CAST: variants seen among roughly 807,000 people sequenced by gnomAD.
The protein encoded by CAST is calpastatin.
In CAST, 76 loss-of-function variants were observed where a neutral mutation model predicts 119.6. That is an observed-to-expected ratio of 0.64 (90% CI 0.53 to 0.77). The LOEUF is 0.77. Ranked by LOEUF, CAST falls within the 30% of genes least tolerant of loss-of-function variation. The probability of loss-of-function intolerance (pLI) is 0.00; values close to 1 mark genes in which losing one functional copy is unlikely to be tolerated. For missense variants in CAST, 953 were observed against 946.5 expected, an observed-to-expected ratio of 1.01 and a Z score of -0.09; for synonymous variants, 319 against 331.6, an observed-to-expected ratio of 0.96 and a Z score of 0.41.
the CAST span, among the ~76,000 whole-genome samples, chr5:96,169,956 A>G: frequency 1.3e-5 from 2 of 152,322 alleles, no homozygotes; most frequent in South Asian, 2.1e-4. Flanking sequence ...TAAGAGGTTT[A>G]GAAGCCTGGC....
chr5:96,400,785 C>G, the CAST span, among the ~76,000 whole-genome samples: 2 of 152,180 alleles, frequency 1.3e-5, no homozygotes, highest in Non-Finnish European at 2.9e-5. Flanking sequence ...TGGTTCTTGT[C>G]TTTTAGAAGT....
the CAST span, among the ~76,000 whole-genome samples, chr5:96,139,507 CAT>C: frequency 6.9e-6 from 1 of 145,692 alleles, no homozygotes; most frequent in Non-Finnish European, 1.5e-5. Flanking sequence ...TATATATACA[CAT>C]ATATATATGT....
In CAST at chr5:96,747,365, A is replaced by C. The variant is rs779611618; in HGVS notation, c.1305A>C (p.Leu435=). ...KPATDKDGKP[L]LPEPEEKPKP... ...TACAGGATAAAGATGGAAAACCACT[A>C]TTGCCAGAGCCTGAAGAAAAACCCA... Residue 435 remains leucine (L), a synonymous_variant, in exon 18 of 32, where the codon CTA becomes CTC. Transcript: ENST00000675179. The C allele has an allele frequency of 2.5e-6, 4 of 1,598,456 alleles. No homozygotes were observed. The highest frequency in any genetic ancestry group is 3.4e-6 in the Non-Finnish European group (4 of 1,166,710).
the CAST span, among the ~76,000 whole-genome samples, chr5:96,349,315 T>C: frequency 6.6e-6 from 1 of 151,882 alleles, no homozygotes; most frequent in Admixed American, 6.6e-5. Context: ...GTTTGGGCAT[T>C]AAGAGTTCAC....
chr5:96,286,939 T>G, the CAST span, among the ~76,000 whole-genome samples: 1 of 151,830 alleles, frequency 6.6e-6, no homozygotes, highest in Non-Finnish European at 1.5e-5. Flanking sequence ...GCTGAAACAT[T>G]ATCCATTTTG....
At chr5:96,053,211 G>A in the CAST span, among the ~76,000 whole-genome samples, 3 of 152,118 alleles carry the variant, frequency 2.0e-5, no homozygotes, top group Admixed American at 1.3e-4. Context: ...ACTAATGCCC[G>A]TGTCCTACTC....
At chr5:96,331,075 T>C in the CAST span, among the ~76,000 whole-genome samples, 2 of 152,132 alleles carry the variant, frequency 1.3e-5, no homozygotes, top group Non-Finnish European at 2.9e-5. Context: ...ATAAAAATTA[T>C]GGATTCCATT....
At chr5:96,418,606 G>A in the CAST span, among the ~76,000 whole-genome samples, 1 of 152,184 alleles carries the variant, frequency 6.6e-6, no homozygotes, top group African/African-American at 2.4e-5. Context: ...AATACTGATA[G>A]TTTGAAGAGA....
the CAST span, among the ~76,000 whole-genome samples, chr5:96,181,189 C>T: frequency 1.3e-5 from 2 of 152,160 alleles, no homozygotes; most frequent in Admixed American, 1.3e-4. Context: ...GATAGAATGA[C>T]TTCAGCTCTT....
the CAST span, among the ~76,000 whole-genome samples, chr5:96,240,143 CA>C: frequency 1.3e-5 from 2 of 151,972 alleles, no homozygotes; most frequent in Non-Finnish European, 1.5e-5. Context: ...TTCATAATTC[CA>C]TATCAATATT....
At chr5:96,500,252 A>G in the CAST span, among the ~76,000 whole-genome samples, 3 of 152,256 alleles carry the variant, frequency 2.0e-5, no homozygotes, top group African/African-American at 7.2e-5. Flanking sequence ...GACTTGTTCA[A>G]TGCAGGGTTG....
the CAST span, among the ~76,000 whole-genome samples, chr5:96,362,776 C>T: frequency 2.6e-5 from 4 of 152,100 alleles, no homozygotes; most frequent in Non-Finnish European, 4.4e-5. Flanking sequence ...GTCTCCCATT[C>T]TGTAGGTTGC....
the CAST span, chr5:96,395,157 C>T: frequency 1.3e-6 from 1 of 764,082 alleles, no homozygotes; most frequent in Non-Finnish European, 2.2e-6. Flanking sequence ...TGAAAGAAAC[C>T]ATTGGATCCA....
At chr5:96,262,517 T>C in the CAST span, among the ~76,000 whole-genome samples, 1 of 152,018 alleles carries the variant, frequency 6.6e-6, no homozygotes, top group African/African-American at 2.4e-5. Context: ...TGTCAGCTTC[T>C]TTTTTTGTTG....
chr5:96,038,362 C>T, the CAST span, among the ~76,000 whole-genome samples: 4 of 151,656 alleles, frequency 2.6e-5, no homozygotes, highest in Non-Finnish European at 4.4e-5. Context: ...AGCATAAATA[C>T]CCATTCCTTT....
At chr5:96,065,062 C>T in the CAST span, among the ~76,000 whole-genome samples, 1 of 152,052 alleles carries the variant, frequency 6.6e-6, no homozygotes, top group African/African-American at 2.4e-5. Flanking sequence ...ACTTGTTATT[C>T]CTGTTACCAA....
chr5:96,354,120 A>G, the CAST span, among the ~76,000 whole-genome samples: 1 of 152,120 alleles, frequency 6.6e-6, no homozygotes, highest in South Asian at 2.1e-4. Flanking sequence ...CAAGAATCCG[A>G]CCAATTACCA....
At chr5:96,320,504 T>C in the CAST span, among the ~76,000 whole-genome samples, 1 of 152,016 alleles carries the variant, frequency 6.6e-6, no homozygotes. Context: ...TCCCAAAGTG[T>C]TGGGATTACA....
chr5:96,260,234 T>C, the CAST span, among the ~76,000 whole-genome samples: 2 of 152,178 alleles, frequency 1.3e-5, no homozygotes, highest in Non-Finnish European at 2.9e-5. Flanking sequence ...TATTGGAATC[T>C]GGTCAGAACT....
Sources: gnomAD v4.1 joint callset for allele counts (sites outside exome capture counted in the v4.1 genomes callset) on GRCh38, gnomAD v4.1.1 for gene constraint, MANE v1.5 for transcripts, NCBI Gene and HGNC (gene_info 2026-07-23, HGNC 2026-07-21) for gene names.